Variants in CTNNA3 observed in about 807,000 individuals in gnomAD.
The protein encoded by CTNNA3 is catenin alpha 3.
Under a neutral mutation model 95.7 loss-of-function variants are expected in CTNNA3, and 76 were observed. The ratio of observed to expected loss-of-function variants is 0.79; its 90% CI spans 0.66 to 0.96. The LOEUF (loss-of-function observed/expected upper bound fraction) is 0.96, where lower values mean the gene tolerates loss of function less well. Among genes scored for constraint, CTNNA3 ranks in the 40% least tolerant of loss-of-function variants. CTNNA3 has a pLI of 0.00. For synonymous variants in CTNNA3, 431 were observed against 374.4 expected (o/e 1.15, Z -1.74); for missense variants, 1,191 against 1,089.8 (o/e 1.09, Z -1.31).
rs536825430 is a variant in CTNNA3, at chr10:66,743,974, CAAAAA to C, written c.1281+22285_1281+22289del. ...CTGGTGACACAGTGAGATTCCATCT[CAAAAA>C]AAAAAAAAAAAAAAAAAAAAGGAAA... is the stretch of plus-strand genomic sequence containing the variant. On this transcript the variant is annotated intron_variant, in intron 9 of 17. Coordinates refer to ENST00000433211, the MANE Select transcript of CTNNA3 (RefSeq NM_013266.4). Among the ~76,000 whole-genome samples the C allele has an allele frequency of 1.1e-4, 5 of 45,058 alleles. No homozygotes were observed. In the East Asian group the frequency reaches 1.9e-3, roughly 17 times the overall value. The allele number at this position is 45,058 out of a possible 152,430, so 29.6% of individuals were successfully genotyped here.
chr10:66,651,199 C>T (rs538745450), intron 9 of CTNNA3, among the ~76,000 whole-genome samples: 10 of 152,298 alleles, frequency 6.6e-5, no homozygotes, highest in African/African-American at 2.4e-4. Flanking sequence ...ACACAGAGTG[C>T]TGATTGGTGC....
At chr10:67,615,835 G>A (rs558690992) in intron 2 of CTNNA3, among the ~76,000 whole-genome samples, 1 of 151,928 alleles carries the variant, frequency 6.6e-6, no homozygotes, top group East Asian at 1.9e-4. Flanking sequence ...GCTAATTTTT[G>A]TGTTTTTAGT....
At chr10:67,691,171 G>C (rs947002511) in intron 1 of CTNNA3, among the ~76,000 whole-genome samples, 10 of 152,228 alleles carry the variant, frequency 6.6e-5, no homozygotes, top group African/African-American at 2.4e-4. Context: ...TGGGATTGCA[G>C]ATGGAGTCTC....
intron 3 of CTNNA3, among the ~76,000 whole-genome samples, chr10:67,588,989 T>C (rs556925767): frequency 6.6e-6 from 1 of 152,174 alleles, no homozygotes; most frequent in South Asian, 2.1e-4. Context: ...ATCTATCTAG[T>C]TGACTTTTGC....
At chr10:66,511,806 A>T (rs1316512359) in intron 11 of CTNNA3, among the ~76,000 whole-genome samples, 1 of 152,008 alleles carries the variant, frequency 6.6e-6, no homozygotes, top group African/African-American at 2.4e-5. Flanking sequence ...AGAATGTTCC[A>T]TCTGCTGATG....
chr10:66,661,621 C>T (rs1404617823), intron 9 of CTNNA3, among the ~76,000 whole-genome samples: 1 of 152,048 alleles, frequency 6.6e-6, no homozygotes, highest in Non-Finnish European at 1.5e-5. Context: ...TCTTGGTCTC[C>T]AGGGTTTTAA....
intron 7 of CTNNA3, among the ~76,000 whole-genome samples, chr10:67,086,945 A>G (rs1400807617): frequency 6.6e-6 from 1 of 152,042 alleles, no homozygotes; most frequent in Non-Finnish European, 1.5e-5. Context: ...ACAATTTCCA[A>G]GGGGATTAAA....
At chr10:65,998,415 G>A (rs1487574279) in intron 15 of CTNNA3, among the ~76,000 whole-genome samples, 1 of 152,054 alleles carries the variant, frequency 6.6e-6, no homozygotes, top group Non-Finnish European at 1.5e-5. Flanking sequence ...CTGAATGAAT[G>A]TAGCTGTTCC....
chr10:66,297,542 T>G (rs1290697111), intron 12 of CTNNA3, among the ~76,000 whole-genome samples: 3 of 152,204 alleles, frequency 2.0e-5, no homozygotes, highest in Non-Finnish European at 2.9e-5. Flanking sequence ...TGCATTTTTC[T>G]GCAATATCTC....
intron 1 of CTNNA3, among the ~76,000 whole-genome samples, chr10:67,746,479 A>G (rs1484945613): frequency 6.6e-6 from 1 of 152,124 alleles, no homozygotes; most frequent in Non-Finnish European, 1.5e-5. Flanking sequence ...CGAATCCTGC[A>G]TCATTAACCA....
At position 67,647,409 on chromosome 10, in the gene CTNNA3, T is replaced by C; in HGVS notation, c.99+6A>G. Reference sequence around the variant, plus strand: ...CTATATATCATAATTTCCATGGTATTAATACCTGGATTATGAGAGGCTCCA... The same window carrying C: ...CTATATATCATAATTTCCATGGTATCAATACCTGGATTATGAGAGGCTCCA... On this transcript the variant is annotated splice_donor_region_variant and intron_variant, in intron 2 of 17. Transcript: ENST00000433211. 3 of 1,604,558 alleles carry C rather than the reference T, an allele frequency of 1.9e-6. No individual in the cohort carries two copies. Among genetic ancestry groups the C allele is most frequent in the Non-Finnish European group, 2.6e-6 (3 of 1,172,006 alleles).
At chr10:66,322,563 T>G (rs1233904032) in intron 12 of CTNNA3, among the ~76,000 whole-genome samples, 3 of 152,038 alleles carry the variant, frequency 2.0e-5, no homozygotes, top group African/African-American at 7.2e-5. Flanking sequence ...CTATACAGAT[T>G]TCCTGGAATC....
intron 9 of CTNNA3, among the ~76,000 whole-genome samples, chr10:66,662,962 C>T (rs557514749): frequency 1.2e-4 from 18 of 152,046 alleles, no homozygotes; most frequent in Non-Finnish European, 2.2e-4. Flanking sequence ...TATGGTCTTT[C>T]CTCCCTTGAA....
Position 67,292,659 on chromosome 10 carries a change from C to T in CTNNA3, c.580-72789G>A, listed in dbSNP as rs149413690. ...CTAAGGGATAGAACAATTTTATCAA[C>T]GTTTGTAATAATGAAAACTTTGAAA... On this transcript the variant is annotated intron_variant, in intron 5 of 17. Coordinates refer to ENST00000433211, the MANE Select transcript of CTNNA3 (RefSeq NM_013266.4). 6.5e-3 allele frequency among the ~76,000 whole-genome samples: 994 copies of T among 152,042 alleles called. 14 individuals carry two copies. The highest frequency in any genetic ancestry group is 0.023 in the African/African-American group (939 of 41,478).
intron 7 of CTNNA3, among the ~76,000 whole-genome samples, chr10:66,854,106 CT>C (rs1284061229): frequency 6.6e-6 from 1 of 152,068 alleles, no homozygotes. Context: ...TTATTGGTCA[CT>C]TACTTCCTTG....
chr10:67,241,972 A>G (rs1018208746), intron 5 of CTNNA3, among the ~76,000 whole-genome samples: 1 of 152,046 alleles, frequency 6.6e-6, no homozygotes, highest in South Asian at 2.1e-4. Flanking sequence ...CTGTCTCAAC[A>G]CTCTTTCTAC....
intron 7 of CTNNA3, among the ~76,000 whole-genome samples, chr10:66,846,789 G>T (rs1843300052): frequency 6.6e-6 from 1 of 152,114 alleles, no homozygotes; most frequent in African/African-American, 2.4e-5. Flanking sequence ...GCCATTTGTA[G>T]TATCTGTCCT....
At chr10:66,085,420 A>G (rs187749399) in intron 14 of CTNNA3, among the ~76,000 whole-genome samples, 58 of 152,290 alleles carry the variant, frequency 3.8e-4, no homozygotes, top group African/African-American at 1.3e-3. Flanking sequence ...TTCTCAAAGT[A>G]CAATTCACAT....
intron 5 of CTNNA3, among the ~76,000 whole-genome samples, chr10:67,398,381 T>C (rs1024635216): frequency 6.6e-6 from 1 of 152,240 alleles, no homozygotes; most frequent in African/African-American, 2.4e-5. Context: ...GTAGCCCCTT[T>C]GTTTTGACCA....
Sources: gnomAD v4.1 joint callset for allele counts (sites outside exome capture counted in the v4.1 genomes callset) on GRCh38, gnomAD v4.1.1 for gene constraint, MANE v1.5 for transcripts, NCBI Gene and HGNC (gene_info 2026-07-23, HGNC 2026-07-21) for gene names.